The following NELL1 variants were observed in gnomAD, a reference collection of about 807,000 sequenced individuals.
NELL1 encodes the protein protein kinase C-binding protein NELL1.
NELL1 carries 76 observed loss-of-function variants against 107.4 expected under a neutral mutation model. The ratio of observed to expected loss-of-function variants is 0.71; its 90% CI spans 0.59 to 0.86. The LOEUF (loss-of-function observed/expected upper bound fraction) is 0.86, where lower values mean the gene tolerates loss of function less well. Ranked by LOEUF, NELL1 falls within the 40% of genes least tolerant of loss-of-function variation. The pLI is 0.00. For missense variants in NELL1, 1,024 were observed against 1,005.5 expected, an observed-to-expected ratio of 1.02 and a Z score of -0.25; for synonymous variants, 353 against 341.2, an observed-to-expected ratio of 1.03 and a Z score of -0.38.
intron 2 of NELL1, among the ~76,000 whole-genome samples, chr11:20,727,219 TAA>T (rs1855527746): frequency 6.6e-6 from 1 of 152,214 alleles, no homozygotes; most frequent in South Asian, 2.1e-4. Context: ...ACCAACAGTG[TAA>T]AAGTGTTCCT....
intron 3 of NELL1, among the ~76,000 whole-genome samples, chr11:20,799,326 G>A (rs892586404): frequency 6.6e-6 from 1 of 152,154 alleles, no homozygotes; most frequent in South Asian, 2.1e-4. Flanking sequence ...GTGAGAGACC[G>A]TGTATCATGA....
rs1377514839 is a variant in NELL1 at position 21,013,348 on chromosome 11, G to A, written c.1300+52788G>A. 4.6e-5 allele frequency among the ~76,000 whole-genome samples: 7 copies of A among 152,114 alleles called. No homozygotes were observed. In the East Asian group the frequency reaches 1.2e-3, roughly 25 times the overall value. On this transcript the variant is annotated intron_variant, in intron 12 of 19. Coordinates refer to ENST00000357134, the MANE Select transcript of NELL1 (RefSeq NM_006157.5). ...CCCTCATTCTGGCCACAGGGTATAGGAAATAGTGCTCCAGGAAGATTAGAG... is the reference window on the plus strand; with the variant it reads ...CCCTCATTCTGGCCACAGGGTATAGAAAATAGTGCTCCAGGAAGATTAGAG...
chr11:21,334,943 ATGT>A (rs1476115585), intron 14 of NELL1, among the ~76,000 whole-genome samples: 1 of 151,880 alleles, frequency 6.6e-6, no homozygotes, highest in Non-Finnish European at 1.5e-5. Context: ...ATTAGCAAAC[ATGT>A]TGTTTTGGTT....
chr11:20,752,153 A>C (rs1270541788), intron 2 of NELL1, among the ~76,000 whole-genome samples: 1 of 64,894 alleles, frequency 1.5e-5, no homozygotes, highest in Non-Finnish European at 3.6e-5. Context: ...AGTTGAAAGC[A>C]TTCAATATTT....
intron 13 of NELL1, among the ~76,000 whole-genome samples, chr11:21,207,644 G>A (rs1478387017): frequency 6.6e-6 from 1 of 152,138 alleles, no homozygotes; most frequent in African/African-American, 2.4e-5. Flanking sequence ...CAATGGTCTT[G>A]AGAATCTCCT....
At chr11:20,812,263 T>TC (rs748727390) in intron 3 of NELL1, among the ~76,000 whole-genome samples, 1 of 152,340 alleles carries the variant, frequency 6.6e-6, no homozygotes, top group Non-Finnish European at 1.5e-5. Flanking sequence ...TGGTGAACCA[T>TC]CCTTGCATCC....
At chr11:20,850,140 G>A (rs761265894) in intron 4 of NELL1, among the ~76,000 whole-genome samples, 2 of 152,138 alleles carry the variant, frequency 1.3e-5, no homozygotes, top group Admixed American at 6.5e-5. Flanking sequence ...TCTAATGCAC[G>A]AAACAAACTT....
At chr11:20,719,118 A>G (rs1855318805) in intron 2 of NELL1, among the ~76,000 whole-genome samples, 1 of 152,222 alleles carries the variant, frequency 6.6e-6, no homozygotes, top group Non-Finnish European at 1.5e-5. Flanking sequence ...GACAACAAAC[A>G]TTTGTGAATG....
chr11:20,688,033 A>T (rs1351521716), intron 2 of NELL1, among the ~76,000 whole-genome samples: 1 of 151,750 alleles, frequency 6.6e-6, no homozygotes, highest in Non-Finnish European at 1.5e-5. Flanking sequence ...AACCATACAG[A>T]TTTTTTTTCC....
intron 13 of NELL1, among the ~76,000 whole-genome samples, chr11:21,220,220 T>C (rs1451976366): frequency 2.0e-5 from 3 of 152,192 alleles, no homozygotes; most frequent in African/African-American, 4.8e-5. Flanking sequence ...TCGGCCTGGG[T>C]ATCTGTTTTT....
chr11:21,550,919 A>C (rs977663790), intron 16 of NELL1, among the ~76,000 whole-genome samples: 4 of 151,336 alleles, frequency 2.6e-5, no homozygotes, highest in African/African-American at 9.7e-5. Flanking sequence ...TGAATCTATA[A>C]ATTACCTTGG....
intron 4 of NELL1, among the ~76,000 whole-genome samples, chr11:20,875,985 G>A (rs765389587): frequency 3.3e-5 from 5 of 152,186 alleles, no homozygotes; most frequent in Non-Finnish European, 7.3e-5. Context: ...GAAGGGTGTT[G>A]ACACCCTGCT....
At chr11:21,264,612 C>T (rs1316948879) in intron 14 of NELL1, among the ~76,000 whole-genome samples, 5 of 151,938 alleles carry the variant, frequency 3.3e-5, no homozygotes, top group African/African-American at 9.7e-5. Context: ...AATAACCTTA[C>T]TATAGGAATT....
At chr11:20,871,474 GTATC>G (rs989061702) in intron 4 of NELL1, among the ~76,000 whole-genome samples, 1 of 152,130 alleles carries the variant, frequency 6.6e-6, no homozygotes, top group East Asian at 1.9e-4. Flanking sequence ...ATCTATCTAT[GTATC>G]TATCTATCTA....
intron 3 of NELL1, among the ~76,000 whole-genome samples, chr11:20,796,716 G>A (rs1255959493): frequency 6.6e-6 from 1 of 152,112 alleles, no homozygotes; most frequent in Non-Finnish European, 1.5e-5. Context: ...ATCAAATACT[G>A]TGTGGTCATA....
chr11:20,669,712 C>G lies in NELL1; in HGVS notation c.-12C>G. ...TTCGGTGCCCCCTGCTAGGCGGGGACCCTCGAGAGCGATGCCGATGGATTT... is the reference window on the plus strand; with the variant it reads ...TTCGGTGCCCCCTGCTAGGCGGGGAGCCTCGAGAGCGATGCCGATGGATTT... On this transcript the variant is annotated 5_prime_UTR_variant, in exon 1 of 20. Coordinates refer to ENST00000357134, the MANE Select transcript of NELL1 (RefSeq NM_006157.5). This position sits in a 1 kb window ranked among gnomAD's most constrained non-coding sequence, Gnocchi z 4.4. 6.2e-7 allele frequency: 1 copy of G among 1,612,604 alleles called. No individual in the cohort carries two copies. The highest frequency in any genetic ancestry group is 8.5e-7 in the Non-Finnish European group (1 of 1,178,964).
intron 15 of NELL1, among the ~76,000 whole-genome samples, chr11:21,375,668 A>G (rs1172481688): frequency 3.3e-5 from 5 of 152,124 alleles, no homozygotes; most frequent in African/African-American, 1.2e-4. Context: ...ATTCCCACCA[A>G]CAATGTATAA....
At chr11:21,175,950 T>G (rs1856703448) in intron 13 of NELL1, among the ~76,000 whole-genome samples, 1 of 151,834 alleles carries the variant, frequency 6.6e-6, no homozygotes, top group South Asian at 2.1e-4. Context: ...TTTTCCTTCA[T>G]GGCAAACAAT....
At chr11:21,451,477 G>A (rs1853584192) in intron 15 of NELL1, among the ~76,000 whole-genome samples, 1 of 152,016 alleles carries the variant, frequency 6.6e-6, no homozygotes, top group Non-Finnish European at 1.5e-5. Context: ...CAAATATATG[G>A]AGTATTATAA....
Sources: allele counts gnomAD v4.1 joint callset (sites outside exome capture counted in the v4.1 genomes callset), GRCh38; gene constraint gnomAD v4.1.1; non-coding constraint Gnocchi (gnomAD v3.1); transcripts MANE v1.5; gene names NCBI Gene and HGNC (gene_info 2026-07-23, HGNC 2026-07-21).